SHISA9: variants seen among roughly 807,000 people sequenced by gnomAD.
SHISA9 encodes protein shisa-9.
Under a neutral mutation model 38.0 loss-of-function variants are expected in SHISA9, and 13 were observed. The ratio of observed to expected loss-of-function variants is 0.34; its 90% CI spans 0.22 to 0.54. SHISA9 has a LOEUF of 0.54. SHISA9 is among the 20% of genes least tolerant of loss of function. SHISA9 has a pLI of 0.91. For synonymous variants in SHISA9, 275 were observed against 242.0 expected, an observed-to-expected ratio of 1.14 and a Z score of -1.27; for missense variants, 538 against 575.8, an observed-to-expected ratio of 0.93 and a Z score of 0.67.
chr16:13,357,829 T>G, the SHISA9 span, among the ~76,000 whole-genome samples: 3 of 147,184 alleles, frequency 2.0e-5, no homozygotes, highest in South Asian at 2.2e-4. Flanking sequence ...TCAGTGGGGG[T>G]GCTTTTTGAG....
chr16:13,250,732 T>C, the SHISA9 span, among the ~76,000 whole-genome samples: 2 of 152,074 alleles, frequency 1.3e-5, no homozygotes, highest in Non-Finnish European at 2.9e-5. Flanking sequence ...TTGAGAAAGA[T>C]CTATATTTGG....
chr16:13,234,948 C>CA, intron 4 of SHISA9, 82 bp from the exon 5 acceptor site: 1 of 1,434,046 alleles, frequency 7.0e-7, no homozygotes, highest in Non-Finnish European at 9.2e-7. Flanking sequence ...GTTGACATGC[C>CA]AGTCTCTAAC....
intron 2 of SHISA9, among the ~76,000 whole-genome samples, chr16:12,991,259 C>CT (rs2072382731): frequency 6.6e-6 from 1 of 152,064 alleles, no homozygotes; most frequent in African/African-American, 2.4e-5. Flanking sequence ...CCTTTCAGAT[C>CT]TTTTTTTGTA....
At chr16:13,348,890 T>C in the SHISA9 span, among the ~76,000 whole-genome samples, 1 of 152,068 alleles carries the variant, frequency 6.6e-6, no homozygotes, top group Non-Finnish European at 1.5e-5. Context: ...ACCAGCTTGT[T>C]TTCTCTTTGC....
chr16:13,359,528 A>AT, the SHISA9 span, among the ~76,000 whole-genome samples: 1 of 152,114 alleles, frequency 6.6e-6, no homozygotes, highest in Non-Finnish European at 1.5e-5. Flanking sequence ...TTATTTATTT[A>AT]TTTTTTGCTC....
chr16:13,537,091 A>C, the SHISA9 span, among the ~76,000 whole-genome samples: 3 of 152,186 alleles, frequency 2.0e-5, no homozygotes, highest in East Asian at 1.9e-4. Context: ...TGGAAAACAT[A>C]CATGCACAAA....
chr16:13,438,473 TTAAA>T, the SHISA9 span, among the ~76,000 whole-genome samples: 1 of 152,136 alleles, frequency 6.6e-6, no homozygotes, highest in Non-Finnish European at 1.5e-5. Flanking sequence ...TGAACAAATC[TTAAA>T]TAATCATTTT....
chr16:13,308,927 G>A, the SHISA9 span, among the ~76,000 whole-genome samples: 1 of 152,184 alleles, frequency 6.6e-6, no homozygotes, highest in Admixed American at 6.5e-5. Flanking sequence ...TTTATGTACT[G>A]GATTGGACAA....
At chr16:12,911,184 C>T in intron 1 of SHISA9, 2 of 903,192 alleles carry the variant, frequency 2.2e-6, no homozygotes, top group South Asian at 5.1e-5. Flanking sequence ...TGGGCACGAT[C>T]TCAGGCCCCA....
chr16:13,409,709 G>A, the SHISA9 span, among the ~76,000 whole-genome samples: 10 of 152,212 alleles, frequency 6.6e-5, no homozygotes, highest in Admixed American at 4.6e-4. Context: ...AATGCCCCCA[G>A]CCTCTGCAGC....
At chr16:13,212,007 C>G (rs2051124696) in intron 3 of SHISA9, among the ~76,000 whole-genome samples, 1 of 152,122 alleles carries the variant, frequency 6.6e-6, no homozygotes, top group Non-Finnish European at 1.5e-5. Flanking sequence ...CCAATTGTCC[C>G]TCTTGTGAGT....
the SHISA9 span, among the ~76,000 whole-genome samples, chr16:13,465,892 C>T: frequency 1.3e-5 from 2 of 152,358 alleles, no homozygotes; most frequent in Admixed American, 1.3e-4. Flanking sequence ...CATTTAGGTA[C>T]ATATTACTTA....
the SHISA9 span, among the ~76,000 whole-genome samples, chr16:13,247,622 G>A: frequency 3.9e-5 from 6 of 152,328 alleles, no homozygotes; most frequent in East Asian, 1.2e-3. Flanking sequence ...GAAGAAAAAT[G>A]TCTTCACTGT....
intron 2 of SHISA9, among the ~76,000 whole-genome samples, chr16:13,193,249 C>T (rs1748703673): frequency 6.6e-6 from 1 of 152,174 alleles, no homozygotes; most frequent in Non-Finnish European, 1.5e-5. Context: ...GGGCACTCAA[C>T]CTCTCTGAGC....
At chr16:13,475,930 G>C in the SHISA9 span, among the ~76,000 whole-genome samples, 1 of 152,146 alleles carries the variant, frequency 6.6e-6, no homozygotes, top group South Asian at 2.1e-4. Flanking sequence ...TCTGGCAGGA[G>C]GCAGAGCTCA....
intron 2 of SHISA9, among the ~76,000 whole-genome samples, chr16:13,197,186 A>T (rs2050955059): frequency 6.6e-6 from 1 of 151,798 alleles, no homozygotes; most frequent in Admixed American, 6.6e-5. Flanking sequence ...GAGAGATAAC[A>T]TGAGAAGCTC....
At chr16:12,912,958 G>A (rs538174590) in intron 1 of SHISA9, among the ~76,000 whole-genome samples, 35 of 151,608 alleles carry the variant, frequency 2.3e-4, no homozygotes, top group African/African-American at 8.2e-4. Flanking sequence ...TCATCTTCAC[G>A]TGTCCAACTC....
chr16:13,545,005 A>G, the SHISA9 span, among the ~76,000 whole-genome samples: 1 of 152,192 alleles, frequency 6.6e-6, no homozygotes, highest in Non-Finnish European at 1.5e-5. Context: ...CATCATGATC[A>G]TCATCCTTAT....
chr16:13,294,303 C>T, the SHISA9 span, among the ~76,000 whole-genome samples: 5 of 152,186 alleles, frequency 3.3e-5, no homozygotes, highest in African/African-American at 4.8e-5. Context: ...TTCAGCACAT[C>T]TCTGCTGGGT....
Sources: allele counts gnomAD v4.1 joint callset (sites outside exome capture counted in the v4.1 genomes callset), GRCh38; gene constraint gnomAD v4.1.1; transcripts MANE v1.5; gene names NCBI Gene and HGNC (gene_info 2026-07-23, HGNC 2026-07-21).